HDAC6: variants seen among roughly 807,000 people sequenced by gnomAD.
HDAC6 encodes protein deacetylase HDAC6.
Under a neutral mutation model 88.9 loss-of-function variants are expected in HDAC6, and 5 were observed. The observed-to-expected ratio is 0.06, with a 90% CI of 0.03 to 0.12. The LOEUF is 0.12. HDAC6 is among the 10% of genes least tolerant of loss of function. The pLI, the probability that HDAC6 is intolerant of heterozygous loss-of-function variation, is 1.00. For synonymous variants in HDAC6, 378 were observed against 398.0 expected (o/e 0.95, Z 0.60); for missense variants, 706 against 1,014.4 (o/e 0.70, Z 4.13).
At chrX:48,806,184 A>G in intron 6 of HDAC6, 184 bp from the exon 7 acceptor site, 1 of 421,721 alleles carries the variant, frequency 2.4e-6, no homozygotes, top group Non-Finnish European at 4.2e-6. Flanking sequence ...ACTGCAGGGG[A>G]GCAGAGAACA....
At position 48,823,473 on chromosome X, in the gene HDAC6, C is replaced by T. The variant is rs138084502; in HGVS notation, c.3074C>T (p.Ser1025Leu). ...GAGCTGATCCAAACTCCTCTAGCCTCGAGCACAGACCACCAGACCCCCCCA... is the reference window on the plus strand; with the variant it reads ...GAGCTGATCCAAACTCCTCTAGCCTTGAGCACAGACCACCAGACCCCCCCA... ...GTELIQTPLA[S>L]STDHQTPPTS... Residue 1025 changes from serine to leucine, a missense_variant, in exon 25 of 29, where the codon TCG becomes TTG. Around this residue, in one of 9 missense-constraint regions of HDAC6, gnomAD observed 112 missense variants for 95.1 expected, o/e 1.18. Coordinates refer to ENST00000334136, the MANE Select transcript of HDAC6 (RefSeq NM_006044.4). The T allele has an allele frequency of 3.2e-3, 3,877 of 1,208,773 alleles. 7 individuals are homozygous for T. The highest frequency in any genetic ancestry group is 4.0e-3 in the Non-Finnish European group (3,598 of 894,527).
At chrX:48,801,949 G>A, upstream of HDAC6, 1 of 967,941 alleles carries the variant, frequency 1.0e-6, no homozygotes, top group Non-Finnish European at 1.3e-6. Context: ...GGAGCGGTGA[G>A]TACAGCGCGT....
chrX:48,803,933 C>T (rs974615400), intron 4 of HDAC6, among the ~76,000 whole-genome samples: 3 of 112,350 alleles, frequency 2.7e-5, no homozygotes, highest in Non-Finnish European at 5.6e-5. Flanking sequence ...GGGGCCAAGG[C>T]AGGTGGATCA....
chrX:48,816,676 T>TG, intron 19 of HDAC6, 43 bp downstream of exon 19: 1 of 1,108,519 alleles, frequency 9.0e-7, no homozygotes, highest in African/African-American at 2.0e-5. Flanking sequence ...CTGGGGGGAA[T>TG]GGAAAAAGAG....
chrX:48,801,791 C>T, upstream of HDAC6: 1 of 916,171 alleles, frequency 1.1e-6, no homozygotes, highest in Non-Finnish European at 1.4e-6. Flanking sequence ...AGGCACGGTC[C>T]CCTCTGGAGG....
Position 48,808,247 on chromosome X carries a change from G to A in HDAC6, c.738-11G>A. The stretch of plus-strand genomic sequence containing the variant: ...TCCTTGCACAGAGTCCCCTCTCTCT[G>A]CTGCTCCTAGGGTCCTTATCGTAGA... On this transcript the variant is annotated splice_polypyrimidine_tract_variant and intron_variant, in intron 9 of 28. Coordinates refer to ENST00000334136, the MANE Select transcript of HDAC6 (RefSeq NM_006044.4). 2 of 1,203,509 alleles carry A rather than the reference G, an allele frequency of 1.7e-6. No individual in the cohort carries two copies. The highest frequency in any genetic ancestry group is 2.2e-6 in the Non-Finnish European group (2 of 889,546).
At chrX:48,802,324 C>T in intron 1 of HDAC6, 182 bp downstream of exon 1, 1 of 886,683 alleles carries the variant, frequency 1.1e-6, no homozygotes, top group Non-Finnish European at 1.4e-6. Context: ...GGGAATGGGG[C>T]TTAGGAGAGT....
At chrX:48,820,731 G>A (rs1482071220) in intron 23 of HDAC6, among the ~76,000 whole-genome samples, 5 of 112,270 alleles carry the variant, frequency 4.5e-5, no homozygotes, top group Non-Finnish European at 7.5e-5. Flanking sequence ...GTATCCCCAC[G>A]CCCTGTGCCT....
chrX:48,814,827 C>T lies in HDAC6; in HGVS notation c.1000-7C>T. ...AGGTAGCCTCATGGAGTCTGTTCCC[C>T]CTTCAGTTCCAGCCTCAGCTGGTCC... is the stretch of plus-strand genomic sequence containing the variant. On this transcript the variant is annotated splice_polypyrimidine_tract_variant and splice_region_variant and intron_variant, in intron 12 of 28. Coordinates refer to ENST00000334136, the MANE Select transcript of HDAC6 (RefSeq NM_006044.4). The T allele has an allele frequency of 2.5e-6, 3 of 1,211,597 alleles. No individual in the cohort carries two copies. The highest frequency in any genetic ancestry group is 1.7e-5 in the African/African-American group (1 of 57,880).
chrX:48,817,870 C>T, intron 20 of HDAC6, 171 bp from the exon 21 acceptor site: 1 of 480,909 alleles, frequency 2.1e-6, no homozygotes. Context: ...AGCACTTGCT[C>T]AGGCCTACCG....
intron 10 of HDAC6, 34 bp from the exon 11 acceptor site, chrX:48,814,406 C>T (rs201041789): frequency 8.3e-7 from 1 of 1,203,655 alleles, no homozygotes; most frequent in African/African-American, 1.8e-5. Flanking sequence ...ATTGACTTCT[C>T]CAACTCTCTT....
In HDAC6 at chrX:48,802,913, A is replaced by G; in HGVS notation, c.136A>G (p.Asn46Asp). Residue 46 changes from asparagine (N) to aspartate (D), a missense_variant, in exon 3 of 29, where the codon AAT becomes GAT. Coordinates refer to ENST00000334136, the MANE Select transcript of HDAC6 (RefSeq NM_006044.4). ...KKGAVPRSIP[N>D]LAEVKKKGKM... ...GGGAGCCGTTCCCCGCTCTATCCCC[A>G]ATCTAGCGGAGGTAAAGAAGAAAGG... The G allele has an allele frequency of 1.7e-6, 2 of 1,208,489 alleles. No individual in the cohort carries two copies. Among genetic ancestry groups the G allele is most frequent in the South Asian group, 3.5e-5 (2 of 56,454 alleles).
rs1220828336 is a variant in HDAC6 at position 48,815,866 on chromosome X, G to A, written c.1325-18G>A. 4 of 1,204,329 alleles carry A rather than the reference G, an allele frequency of 3.3e-6. No homozygotes were observed. The highest frequency in any genetic ancestry group is 4.5e-6 in the Non-Finnish European group (4 of 890,256). On this transcript the variant is annotated intron_variant, in intron 16 of 28. Transcript: ENST00000334136. ...TTCAGATTGAGAGGGTAGGACAAAC[G>A]TGGCCTCCCCCTTTTAGCTGAGACC... is the stretch of plus-strand genomic sequence containing the variant.
chrX:48,806,778 T>C, intron 8 of HDAC6, 72 bp downstream of exon 8: 1 of 576,990 alleles, frequency 1.7e-6, no homozygotes, highest in Admixed American at 3.3e-5. Context: ...TGTATTGATA[T>C]GGGTAATATA....
chrX:48,815,907 A>C lies in HDAC6; in HGVS notation c.1348A>C (p.Met450Leu). The change falls in exon 17 of 29, where the codon ATG (methionine) becomes CTG (leucine). Residue 450 changes from methionine to leucine, a missense_variant. Around this residue, in one of 9 missense-constraint regions of HDAC6, gnomAD observed 106 missense variants for 135.1 expected, o/e 0.78. Transcript: ENST00000334136. ...AGCTGAGACCGTGGAGAGGGACAAC[A>C]TGGAGGAGGACAATGTAGAGGAGAG... ...RSTETVERDNMEEDNVEESEE... is the reference protein window; with the variant it reads ...RSTETVERDNLEEDNVEESEE... 8.3e-7 allele frequency: 1 copy of C among 1,210,999 alleles called. No individual in the cohort carries two copies. The highest frequency in any genetic ancestry group is 1.1e-6 in the Non-Finnish European group (1 of 895,141).
At chrX:48,815,267 C>T in intron 14 of HDAC6, 117 bp from the exon 15 acceptor site, 1 of 589,071 alleles carries the variant, frequency 1.7e-6, no homozygotes, top group South Asian at 2.6e-5. Flanking sequence ...GTGAGGCACC[C>T]TTCTAAGTTC....
intron 23 of HDAC6, among the ~76,000 whole-genome samples, chrX:48,821,512 T>C (rs2063082383): frequency 2.0e-5 from 2 of 99,524 alleles, no homozygotes; most frequent in African/African-American, 3.7e-5. Flanking sequence ...TTTTTTTTTT[T>C]TTCCTTTTGA....
intron 4 of HDAC6, among the ~76,000 whole-genome samples, chrX:48,804,631 A>G (rs1278363920): frequency 8.9e-6 from 1 of 112,407 alleles, no homozygotes; most frequent in Non-Finnish European, 1.9e-5. Context: ...TTTACCATCT[A>G]TTGAGGAGCT....
intron 8 of HDAC6, among the ~76,000 whole-genome samples, chrX:48,807,248 G>T: frequency 8.9e-6 from 1 of 111,981 alleles, no homozygotes; most frequent in Non-Finnish European, 1.9e-5. Flanking sequence ...GTATCTTGGA[G>T]CCCGGTAGAA....
Sources: gnomAD v4.1 joint callset for allele counts (sites outside exome capture counted in the v4.1 genomes callset) on GRCh38, gnomAD v4.1.1 for gene constraint, gnomAD v4.1.1 regional missense constraint, MANE v1.5 for transcripts, NCBI Gene and HGNC (gene_info 2026-07-23, HGNC 2026-07-21) for gene names.